The following AGBL4 variants were observed in gnomAD, a reference collection of about 807,000 sequenced individuals.
AGBL4 encodes AGBL carboxypeptidase 4.
Under a neutral mutation model 66.4 loss-of-function variants are expected in AGBL4, and 58 were observed. The ratio of observed to expected loss-of-function variants is 0.87; its 90% CI spans 0.71 to 1.09. AGBL4 has a LOEUF of 1.09. AGBL4 is among the 50% of genes least tolerant of loss of function. The probability of loss-of-function intolerance (pLI) is 0.00; values close to 1 mark genes in which losing one functional copy is unlikely to be tolerated. For missense variants in AGBL4, 579 were observed against 631.0 expected (o/e 0.92, Z 0.88); for synonymous variants, 234 against 222.9 (o/e 1.05, Z -0.44).
chr1:49,453,641 G>GA (rs1276530388), intron 3 of AGBL4, among the ~76,000 whole-genome samples: 1 of 151,714 alleles, frequency 6.6e-6, no homozygotes, highest in African/African-American at 2.4e-5. Context: ...ATGAAACAAT[G>GA]AAAAAAGTTA....
At chr1:49,472,547 A>C (rs1356332002) in intron 3 of AGBL4, among the ~76,000 whole-genome samples, 1 of 152,070 alleles carries the variant, frequency 6.6e-6, no homozygotes, top group Non-Finnish European at 1.5e-5. Flanking sequence ...GAAAAGTTAA[A>C]AATAGAAATA....
chr1:49,837,750 C>T (rs1645889293), intron 2 of AGBL4, among the ~76,000 whole-genome samples: 1 of 152,152 alleles, frequency 6.6e-6, no homozygotes. Context: ...GAGGCTGAGG[C>T]AGGAGAATGG....
At chr1:48,683,923 T>C (rs918941047) in intron 6 of AGBL4, among the ~76,000 whole-genome samples, 5 of 152,194 alleles carry the variant, frequency 3.3e-5, no homozygotes, top group Non-Finnish European at 5.9e-5. Context: ...TGAGGCAACA[T>C]TTTGAAAATC....
chr1:49,316,749 A>C (rs1645045895), intron 3 of AGBL4, among the ~76,000 whole-genome samples: 1 of 151,902 alleles, frequency 6.6e-6, no homozygotes, highest in Admixed American at 6.6e-5. Context: ...TTAAATATAC[A>C]TAATCTCAAT....
chr1:49,562,240 T>G (rs1256258559), intron 3 of AGBL4, among the ~76,000 whole-genome samples: 1 of 149,498 alleles, frequency 6.7e-6, no homozygotes, highest in Non-Finnish European at 1.5e-5. Flanking sequence ...TGCAAAAATC[T>G]TCTCCCATTC....
chr1:49,580,292 G>A (rs1644517476), intron 3 of AGBL4, among the ~76,000 whole-genome samples: 1 of 152,048 alleles, frequency 6.6e-6, no homozygotes, highest in Admixed American at 6.6e-5. Context: ...CTTTTAAGTG[G>A]AGAACTTAAT....
rs184241132 is a variant in AGBL4, at chr1:49,967,455, T to C, written c.34+56308A>G. On this transcript the variant is annotated intron_variant, in intron 1 of 13. Coordinates refer to ENST00000371839, the MANE Select transcript of AGBL4 (RefSeq NM_032785.4). ...ACACGTTCTCACTCATAAGTGGGAG[T>C]TGAACAATAAGAACACATGGACATA... Among the ~76,000 whole-genome samples the C allele has an allele frequency of 1.9e-4, 29 of 151,110 alleles. No individual in the cohort carries two copies. The East Asian group carries it at 4.9e-3, about 25-fold the overall frequency.
chr1:48,622,714 C>T (rs964753267), intron 9 of AGBL4, among the ~76,000 whole-genome samples: 2 of 152,048 alleles, frequency 1.3e-5, no homozygotes, highest in Non-Finnish European at 2.9e-5. Context: ...AAACTCCTGA[C>T]CTCTGGTGAT....
At chr1:49,131,359 C>T (rs1033683594) in intron 4 of AGBL4, among the ~76,000 whole-genome samples, 1 of 151,934 alleles carries the variant, frequency 6.6e-6, no homozygotes, top group Non-Finnish European at 1.5e-5. Flanking sequence ...TTGATCACTA[C>T]CCTTAAAAGG....
intron 5 of AGBL4, among the ~76,000 whole-genome samples, chr1:48,876,029 G>A (rs1570898569): frequency 6.6e-6 from 1 of 152,168 alleles, no homozygotes; most frequent in Non-Finnish European, 1.5e-5. Flanking sequence ...CACACCTGGA[G>A]CAGCCTCTGC....
intron 5 of AGBL4, among the ~76,000 whole-genome samples, chr1:48,965,700 G>T (rs1658363936): frequency 6.6e-6 from 1 of 152,126 alleles, no homozygotes; most frequent in African/African-American, 2.4e-5. Context: ...ATGGACATAG[G>T]CAGGGTTGGC....
chr1:49,263,272 T>A (rs963483736), intron 3 of AGBL4, among the ~76,000 whole-genome samples: 1 of 151,918 alleles, frequency 6.6e-6, no homozygotes, highest in East Asian at 1.9e-4. Context: ...AACCTGCACA[T>A]TGTGCACATG....
chr1:49,899,658 C>G (rs535666053), intron 1 of AGBL4, among the ~76,000 whole-genome samples: 1 of 152,280 alleles, frequency 6.6e-6, no homozygotes, highest in Admixed American at 6.5e-5. Context: ...ATCAAAACAG[C>G]TAACCAATTA....
intron 4 of AGBL4, among the ~76,000 whole-genome samples, chr1:49,112,328 A>G (rs1381552157): frequency 2.6e-5 from 4 of 152,204 alleles, no homozygotes; most frequent in Non-Finnish European, 5.9e-5. Context: ...CAATGCTAAC[A>G]ACCATCTGAG....
At chr1:49,965,295 T>C (rs768816359) in intron 1 of AGBL4, among the ~76,000 whole-genome samples, 24 of 152,176 alleles carry the variant, frequency 1.6e-4, no homozygotes, top group Non-Finnish European at 2.5e-4. Context: ...CAATGCTTTA[T>C]CTTGCTTATC....
chr1:49,738,798 C>T (rs980247394), intron 2 of AGBL4, among the ~76,000 whole-genome samples: 2 of 152,216 alleles, frequency 1.3e-5, no homozygotes, highest in African/African-American at 2.4e-5. Context: ...CAAACAGGGT[C>T]TGGAGTGGAC....
intron 3 of AGBL4, among the ~76,000 whole-genome samples, chr1:49,354,236 G>A (rs941822763): frequency 3.3e-5 from 5 of 152,212 alleles, no homozygotes; most frequent in Admixed American, 3.3e-4. Context: ...CTGAATAAAT[G>A]AGCCACAACA....
chr1:48,855,744 A>G (rs543665019), intron 6 of AGBL4, among the ~76,000 whole-genome samples: 54 of 151,534 alleles, frequency 3.6e-4, no homozygotes, highest in African/African-American at 1.3e-3. Context: ...AATGCACAAC[A>G]ATAGAACTTT....
At chr1:49,641,231 T>C (rs1404534364) in intron 3 of AGBL4, among the ~76,000 whole-genome samples, 2 of 152,108 alleles carry the variant, frequency 1.3e-5, no homozygotes, top group Non-Finnish European at 2.9e-5. Context: ...AAGTGAGATA[T>C]GTTTAGGTCA....
Sources: allele counts gnomAD v4.1 joint callset (sites outside exome capture counted in the v4.1 genomes callset), GRCh38; gene constraint gnomAD v4.1.1; transcripts MANE v1.5; gene names NCBI Gene and HGNC (gene_info 2026-07-23, HGNC 2026-07-21).